Variants in SOX6 observed in about 807,000 individuals in gnomAD.
SOX6 encodes transcription factor SOX-6.
Under a neutral mutation model 97.8 loss-of-function variants are expected in SOX6, and 11 were observed. The ratio of observed to expected loss-of-function variants is 0.11; its 90% confidence interval spans 0.07 to 0.19. The LOEUF is 0.19. SOX6 is among the 10% of genes least tolerant of loss of function. SOX6 has a pLI of 1.00. For missense variants in SOX6, 810 were observed against 1,039.5 expected, an observed-to-expected ratio of 0.78 and a Z score of 3.04; for synonymous variants, 360 against 371.4, an observed-to-expected ratio of 0.97 and a Z score of 0.35.
chr11:16,408,850 T>C (rs1220411452), intron 1 of SOX6: 4 of 151,972 alleles, frequency 2.6e-5, no homozygotes, highest in Non-Finnish European at 4.4e-5. Context: ...TGATGTTTTA[T>C]AGAGATAAAA....
rs912093950 is a variant in SOX6 at position 16,354,634 on chromosome 11, T to C, written c.-5+1460A>G. Reference sequence around the variant, plus strand: ...GCTGTAGGTGCCTATTCAAACCACCTATTATTAACCTCTTTCCTTGATTTT... The same window carrying C: ...GCTGTAGGTGCCTATTCAAACCACCCATTATTAACCTCTTTCCTTGATTTT... On this transcript the variant is annotated intron_variant, in intron 1 of 15. Transcript: ENST00000683767. 3.3e-5 allele frequency among the ~76,000 whole-genome samples: 5 copies of C among 151,998 alleles called. No homozygotes were observed. The South Asian group carries it at 1.0e-3, about 31-fold the overall frequency.
chr11:16,734,242 T>C (rs1463802221), intron 2 of SOX6, among the ~76,000 whole-genome samples: 1 of 152,110 alleles, frequency 6.6e-6, no homozygotes. Flanking sequence ...AGTTACCCAA[T>C]CATCAACCAT....
At chr11:16,621,228 T>C (rs1288380346) in intron 3 of SOX6, among the ~76,000 whole-genome samples, 1 of 152,192 alleles carries the variant, frequency 6.6e-6, no homozygotes, top group African/African-American at 2.4e-5. Flanking sequence ...CTCCTTGTGA[T>C]GTCTGTATTT....
At chr11:16,419,812 C>T (rs1359252791) in intron 1 of SOX6, among the ~76,000 whole-genome samples, 1 of 152,130 alleles carries the variant, frequency 6.6e-6, no homozygotes, top group African/African-American at 2.4e-5. Context: ...TAGTTCATCT[C>T]CAGCTGCCTA....
chr11:16,201,098 A>G (rs1851922604), intron 4 of SOX6, among the ~76,000 whole-genome samples: 1 of 151,500 alleles, frequency 6.6e-6, no homozygotes, highest in South Asian at 2.1e-4. Flanking sequence ...CCTCGGTGAC[A>G]GAGTGAGACT....
chr11:16,018,162 A>G (rs953026235), intron 12 of SOX6, among the ~76,000 whole-genome samples: 5 of 152,092 alleles, frequency 3.3e-5, no homozygotes, highest in Non-Finnish European at 7.4e-5. Flanking sequence ...GAGCTGATGA[A>G]TGTTAAATGT....
chr11:16,493,664 C>T (rs535513662), intron 4 of SOX6, among the ~76,000 whole-genome samples: 1 of 152,070 alleles, frequency 6.6e-6, no homozygotes, highest in Admixed American at 6.6e-5. Context: ...AGGTTAAAAA[C>T]AAGTTTTTCT....
intron 6 of SOX6, among the ~76,000 whole-genome samples, chr11:16,157,804 A>G (rs904528604): frequency 6.6e-6 from 1 of 151,968 alleles, no homozygotes; most frequent in Non-Finnish European, 1.5e-5. Flanking sequence ...ATCTCTATGA[A>G]TCTTTGTTCA....
chr11:16,147,308 C>T (rs1479493044), intron 6 of SOX6, among the ~76,000 whole-genome samples: 1 of 151,920 alleles, frequency 6.6e-6, no homozygotes, highest in African/African-American at 2.4e-5. Context: ...ACAATGAGAA[C>T]ACTTGGACAC....
At chr11:16,309,910 G>A (rs1009690973) in intron 3 of SOX6, among the ~76,000 whole-genome samples, 1 of 152,014 alleles carries the variant, frequency 6.6e-6, no homozygotes, top group African/African-American at 2.4e-5. Flanking sequence ...AATCATATGA[G>A]ACTATAACTT....
At chr11:16,145,798 T>C (rs983575949) in intron 6 of SOX6, among the ~76,000 whole-genome samples, 12 of 152,130 alleles carry the variant, frequency 7.9e-5, no homozygotes, top group Non-Finnish European at 1.3e-4. Flanking sequence ...TTACAAGGGA[T>C]GTGAAGGACC....
chr11:16,397,599 T>A lies in SOX6; in HGVS notation c.-4-56347A>T, dbSNP rs575157366. The A allele has an allele frequency of 5.9e-5, 9 of 151,866 alleles. No individual in the cohort carries two copies. In the South Asian group the frequency reaches 1.9e-3, roughly 32 times the overall value. The allele number at this position is 151,866 out of a possible 1,614,324, so 9.4% of individuals were successfully genotyped here. A position where few individuals can be genotyped will look rare whatever the true frequency, so the allele number is the denominator to read the frequency against. ...TAGTTCATTTGTAATTCTCTTCTGG[T>A]TAACCCTTAGCATTACAGCAGTCTG... On this transcript the variant is annotated intron_variant, in intron 1 of 15. Transcript: ENST00000396356.
intron 1 of SOX6, among the ~76,000 whole-genome samples, chr11:16,391,264 C>A (rs1205142161): frequency 1.3e-5 from 2 of 152,112 alleles, no homozygotes; most frequent in African/African-American, 2.4e-5. Context: ...TTGCAGCAAA[C>A]CACCATGGCA....
intron 3 of SOX6, among the ~76,000 whole-genome samples, chr11:16,632,084 C>T (rs1848714954): frequency 6.6e-6 from 1 of 152,138 alleles, no homozygotes; most frequent in Non-Finnish European, 1.5e-5. Flanking sequence ...TTCTGAGTTT[C>T]CATTTTGGTT....
intron 12 of SOX6, among the ~76,000 whole-genome samples, chr11:16,020,526 A>G (rs1389729600): frequency 6.6e-6 from 1 of 151,874 alleles, no homozygotes; most frequent in Non-Finnish European, 1.5e-5. Context: ...TTTAAACTCA[A>G]TTTTCTACAG....
At chr11:16,211,705 A>G (rs1201679519) in intron 4 of SOX6, among the ~76,000 whole-genome samples, 5 of 152,076 alleles carry the variant, frequency 3.3e-5, no homozygotes, top group Admixed American at 2.6e-4. Context: ...CACTGATGCC[A>G]CTCTTCTCCT....
intron 1 of SOX6, among the ~76,000 whole-genome samples, chr11:16,385,332 T>C (rs1341148546): frequency 2.6e-5 from 4 of 152,142 alleles, no homozygotes; most frequent in Non-Finnish European, 4.4e-5. Flanking sequence ...TTTCTTGGAT[T>C]CTGATTGTCA....
intron 2 of SOX6, among the ~76,000 whole-genome samples, chr11:16,329,628 A>G (rs756873793): frequency 6.6e-6 from 1 of 152,188 alleles, no homozygotes; most frequent in Non-Finnish European, 1.5e-5. Context: ...CAAAATGGCA[A>G]TAATAATAGT....
intron 3 of SOX6, among the ~76,000 whole-genome samples, chr11:16,260,615 A>T (rs1231336083): frequency 6.6e-6 from 1 of 152,182 alleles, no homozygotes; most frequent in Admixed American, 6.5e-5. Context: ...TGGTTCAATA[A>T]AAGGGACACA....
Sources: gnomAD v4.1 joint callset for allele counts (sites outside exome capture counted in the v4.1 genomes callset) on GRCh38, gnomAD v4.1.1 for gene constraint, MANE v1.5 for transcripts, NCBI Gene and HGNC (gene_info 2026-07-23, HGNC 2026-07-21) for gene names.